Variants in SRGAP3 observed in about 807,000 individuals in gnomAD.
SRGAP3 encodes the protein SLIT-ROBO Rho GTPase activating protein 3.
In SRGAP3, 39 loss-of-function variants were observed where a neutral mutation model predicts 121.1. The ratio of observed to expected loss-of-function variants is 0.32; its 90% CI spans 0.25 to 0.42. The LOEUF (loss-of-function observed/expected upper bound fraction) is 0.42, where lower values mean the gene tolerates loss of function less well. Ranked by LOEUF, SRGAP3 falls within the 10% of genes least tolerant of loss-of-function variation. SRGAP3 has a pLI of 1.00. For missense variants in SRGAP3, 1,213 were observed against 1,470.6 expected (o/e 0.82, Z 2.86); for synonymous variants, 601 against 570.0 (o/e 1.05, Z -0.77).
chr3:9,031,995 A>G (rs1279869643), intron 12 of SRGAP3, among the ~76,000 whole-genome samples: 1 of 152,182 alleles, frequency 6.6e-6, no homozygotes, highest in Non-Finnish European at 1.5e-5. Context: ...TTTACACCAA[A>G]GAGAAAAGAA....
intron 3 of SRGAP3, among the ~76,000 whole-genome samples, chr3:9,291,178 G>A (rs955783483): frequency 1.3e-5 from 2 of 151,988 alleles, no homozygotes; most frequent in African/African-American, 2.4e-5. Flanking sequence ...AATTCATCTC[G>A]GCACTTTCTG....
chr3:9,351,308 T>G (rs964399425), intron 1 of SRGAP3, among the ~76,000 whole-genome samples: 3 of 152,234 alleles, frequency 2.0e-5, no homozygotes, highest in Non-Finnish European at 4.4e-5. Context: ...AAATTTTACC[T>G]TATCTCAGTG....
chr3:9,277,798 T>C (rs1262881259), intron 3 of SRGAP3, among the ~76,000 whole-genome samples: 4 of 151,790 alleles, frequency 2.6e-5, no homozygotes, highest in Admixed American at 6.6e-5. Context: ...AAAATAAAAA[T>C]AAATAAATAT....
intron 3 of SRGAP3, among the ~76,000 whole-genome samples, chr3:9,085,903 C>T (rs924843729): frequency 1.3e-5 from 2 of 152,160 alleles, no homozygotes; most frequent in African/African-American, 2.4e-5. Context: ...GTATAACAAA[C>T]TCCCATGACA....
chr3:9,081,696 A>G (rs948708933), intron 3 of SRGAP3, among the ~76,000 whole-genome samples: 1 of 152,224 alleles, frequency 6.6e-6, no homozygotes, highest in Non-Finnish European at 1.5e-5. Context: ...TCCTATTTCC[A>G]TGAAGTGGCT....
chr3:9,300,233 C>T (rs1261799939), intron 3 of SRGAP3, among the ~76,000 whole-genome samples: 2 of 3,824 alleles, frequency 5.2e-4, no homozygotes, highest in Admixed American at 4.9e-3. Flanking sequence ...CTGCCTGACT[C>T]TCCAGCCCCT....
intron 4 of SRGAP3, among the ~76,000 whole-genome samples, chr3:9,079,507 G>A (rs1390811015): frequency 6.6e-6 from 1 of 152,254 alleles, no homozygotes; most frequent in African/African-American, 2.4e-5. Flanking sequence ...GTGATGTTAT[G>A]AAACTATGCC....
At chr3:9,353,987 G>C (rs2030344116) in intron 1 of SRGAP3, among the ~76,000 whole-genome samples, 1 of 152,308 alleles carries the variant, frequency 6.6e-6, no homozygotes, top group South Asian at 2.1e-4. Context: ...TTGTCTCACA[G>C]TGCGGGGGAT....
rs544728465 is a variant in SRGAP3, at chr3:9,354,656, G to A, written n.214+8184C>T. 8.7e-5 allele frequency among the ~76,000 whole-genome samples: 13 copies of A among 148,684 alleles called. No individual in the cohort carries two copies. In the East Asian group the frequency reaches 1.2e-3, roughly 13 times the overall value. On this transcript the variant is annotated intron_variant and non_coding_transcript_variant, in intron 1 of 3. Coordinates refer to the SRGAP3 transcript ENST00000490889. ...GAGATTGCGCCACTGCACTCCAGCC[G>A]GGGTGACAGAGCGAGACTCCATCTC...
At chr3:9,142,271 A>G (rs979744618) in intron 1 of SRGAP3, among the ~76,000 whole-genome samples, 1 of 152,206 alleles carries the variant, frequency 6.6e-6, no homozygotes, top group Non-Finnish European at 1.5e-5. Context: ...TATGATTATT[A>G]TTACTATATA....
intron 1 of SRGAP3, among the ~76,000 whole-genome samples, chr3:9,136,308 C>A (rs963837598): frequency 6.6e-6 from 1 of 152,052 alleles, no homozygotes; most frequent in Non-Finnish European, 1.5e-5. Context: ...CCGCAGGATC[C>A]GTGCGCCCAG....
At chr3:9,237,648 G>A (rs1052248877) in intron 1 of SRGAP3, among the ~76,000 whole-genome samples, 1 of 152,212 alleles carries the variant, frequency 6.6e-6, no homozygotes, top group Non-Finnish European at 1.5e-5. Flanking sequence ...GAAAATCTAA[G>A]TGCAAAGGCC....
At chr3:9,248,525 A>G (rs559312114) in intron 1 of SRGAP3, among the ~76,000 whole-genome samples, 1 of 152,328 alleles carries the variant, frequency 6.6e-6, no homozygotes, top group Non-Finnish European at 1.5e-5. Flanking sequence ...AAGGGCTTTT[A>G]CCATGGCAGG....
chr3:9,288,140 T>G (rs1475169419), intron 3 of SRGAP3, among the ~76,000 whole-genome samples: 1 of 150,348 alleles, frequency 6.7e-6, no homozygotes, highest in African/African-American at 2.4e-5. Flanking sequence ...GTTTTTTTTT[T>G]TTTTTTTTCT....
rs367727509 is a variant in SRGAP3 at position 9,136,548 on chromosome 3, T to C, written c.68-11631A>G. Among the ~76,000 whole-genome samples, 32 of 152,366 alleles carry C rather than the reference T, an allele frequency of 2.1e-4. No individual in the cohort carries two copies. The South Asian group carries it at 5.8e-3, about 28-fold the overall frequency. Reference sequence around the variant, plus strand: ...CTGTAGTCTCTCCCTCTCCCCTTCCTGTATTCGGCCAACGACCGACATCAG... The same window carrying C: ...CTGTAGTCTCTCCCTCTCCCCTTCCCGTATTCGGCCAACGACCGACATCAG... On this transcript the variant is annotated intron_variant, in intron 1 of 21. Coordinates refer to ENST00000383836, the MANE Select transcript of SRGAP3 (RefSeq NM_014850.4).
At chr3:9,176,794 A>G (rs1951195022) in intron 1 of SRGAP3, among the ~76,000 whole-genome samples, 1 of 152,192 alleles carries the variant, frequency 6.6e-6, no homozygotes, top group Non-Finnish European at 1.5e-5. Context: ...ATCACCAAGG[A>G]GATGGGCTAA....
intron 1 of SRGAP3, chr3:9,349,933 T>C (rs560292043): frequency 6.6e-6 from 1 of 152,346 alleles, no homozygotes; most frequent in African/African-American, 2.4e-5. Context: ...CTCTTGGTCT[T>C]GTCCAAGTGT....
At chr3:9,248,849 G>C (rs757922121) in intron 1 of SRGAP3, 36 bp downstream of exon 1, 15 of 1,605,312 alleles carry the variant, frequency 9.3e-6, no homozygotes, top group Non-Finnish European at 1.3e-5. Flanking sequence ...AAACGAAAGG[G>C]GAGGAGAAGG....
intron 3 of SRGAP3, among the ~76,000 whole-genome samples, chr3:9,098,927 T>C (rs910204059): frequency 2.6e-5 from 4 of 152,144 alleles, no homozygotes; most frequent in Non-Finnish European, 5.9e-5. Flanking sequence ...CGGTGGAGAT[T>C]GGCTGAAGGC....
Sources: gnomAD v4.1 joint callset for allele counts (sites outside exome capture counted in the v4.1 genomes callset) on GRCh38, gnomAD v4.1.1 for gene constraint, MANE v1.5 for transcripts, NCBI Gene and HGNC (gene_info 2026-07-23, HGNC 2026-07-21) for gene names.